Variants in PITPNC1 observed in about 807,000 individuals in gnomAD.
The protein encoded by PITPNC1 is cytoplasmic phosphatidylinositol transfer protein 1.
PITPNC1 carries 18 observed loss-of-function variants against 44.7 expected under a neutral mutation model. The ratio of observed to expected loss-of-function variants is 0.40; its 90% CI spans 0.28 to 0.60. The LOEUF is 0.60. Among genes scored for constraint, PITPNC1 ranks in the 20% least tolerant of loss-of-function variants. The pLI is 0.39. For synonymous variants in PITPNC1, 141 were observed against 149.6 expected (o/e 0.94, Z 0.42); for missense variants, 290 against 418.4 (o/e 0.69, Z 2.68).
At chr17:67,654,087 T>C (rs2042237661) in intron 6 of PITPNC1, among the ~76,000 whole-genome samples, 1 of 152,198 alleles carries the variant, frequency 6.6e-6, no homozygotes, top group Non-Finnish European at 1.5e-5. Context: ...CTCTGCTCTC[T>C]GCTTTCGTCC....
intron 1 of PITPNC1, among the ~76,000 whole-genome samples, chr17:67,442,204 CATATATATATATATATATATATAT>C (rs10526037): frequency 0.025 from 1,371 of 54,262 alleles, 64 homozygotes; most frequent in African/African-American, 0.046. Flanking sequence ...GGAAAATAAG[CATATATATATATATATATATATAT>C]ATATATATAT....
chr17:67,653,064 T>C (rs1173833060), intron 6 of PITPNC1, among the ~76,000 whole-genome samples: 9 of 152,112 alleles, frequency 5.9e-5, no homozygotes, highest in Admixed American at 5.2e-4. Context: ...GGCGGATCTC[T>C]TGAGGTCAGG....
intron 5 of PITPNC1, among the ~76,000 whole-genome samples, chr17:67,594,193 T>A (rs941990492): frequency 1.3e-4 from 20 of 152,232 alleles, no homozygotes; most frequent in African/African-American, 4.8e-4. Flanking sequence ...TTCGCTGTTC[T>A]GAACTTCCCC....
intron 1 of PITPNC1, among the ~76,000 whole-genome samples, chr17:67,495,248 T>C (rs34589360): frequency 0.18 from 27,096 of 151,020 alleles, 2,693 homozygotes; most frequent in Middle Eastern, 0.33. Context: ...TTAGTAGAGA[T>C]GGGGTTTCAT....
At chr17:67,511,609 A>C (rs2040185555) in intron 1 of PITPNC1, among the ~76,000 whole-genome samples, 1 of 152,146 alleles carries the variant, frequency 6.6e-6, no homozygotes, top group East Asian at 1.9e-4. Context: ...CCTGAGTTCA[A>C]GTGATTCTCC....
chr17:67,561,329 G>A (rs2040903887), intron 4 of PITPNC1, among the ~76,000 whole-genome samples: 1 of 152,010 alleles, frequency 6.6e-6, no homozygotes, highest in Admixed American at 6.6e-5. Flanking sequence ...GGTGGTGTGT[G>A]CCTGTAATCC....
At chr17:67,582,164 C>G (rs185201239) in intron 5 of PITPNC1, among the ~76,000 whole-genome samples, 75 of 152,306 alleles carry the variant, frequency 4.9e-4, no homozygotes, top group African/African-American at 1.8e-3. Context: ...CTAGCTTTAT[C>G]TAGCCAGGGA....
At position 67,563,502 on chromosome 17, in the gene PITPNC1, G is replaced by A. The variant is rs186941619; in HGVS notation, c.294+9885G>A. Among the ~76,000 whole-genome samples, 122 of 152,244 alleles carry A rather than the reference G, an allele frequency of 8.0e-4. 1 individual carries two copies. Among genetic ancestry groups the A allele is most frequent in the African/African-American group, 2.8e-3 (118 of 41,538 alleles). On this transcript the variant is annotated intron_variant, in intron 4 of 8. Coordinates refer to ENST00000581322, the MANE Select transcript of PITPNC1 (RefSeq NM_012417.4). ...CTGCTCTCAGACATGGAAGAATTTG[G>A]GCTGGTAAACAAGAATAAAGCGTTG... is the stretch of plus-strand genomic sequence containing the variant.
At chr17:67,465,115 AGGTGT>A (rs2039405364) in intron 1 of PITPNC1, among the ~76,000 whole-genome samples, 1 of 152,230 alleles carries the variant, frequency 6.6e-6, no homozygotes, top group Non-Finnish European at 1.5e-5. Flanking sequence ...TAGATCACAG[AGGTGT>A]GTGTTGCATT....
At chr17:67,482,129 T>G (rs2039712722) in intron 1 of PITPNC1, among the ~76,000 whole-genome samples, 2 of 152,252 alleles carry the variant, frequency 1.3e-5, no homozygotes, top group South Asian at 4.1e-4. Context: ...CTCTAATTGG[T>G]CTTCCGTTAG....
At chr17:67,679,195 T>C (rs1011802730) in intron 8 of PITPNC1, among the ~76,000 whole-genome samples, 7 of 152,256 alleles carry the variant, frequency 4.6e-5, no homozygotes, top group Admixed American at 3.3e-4. Flanking sequence ...TAGAGAATCA[T>C]AGCTGTCTGC....
At chr17:67,495,210 C>T (rs1471678705) in intron 1 of PITPNC1, among the ~76,000 whole-genome samples, 2 of 151,466 alleles carry the variant, frequency 1.3e-5, no homozygotes, top group Non-Finnish European at 2.9e-5. Flanking sequence ...GCGCTCGCCA[C>T]CAGGCCCGGC....
chr17:67,478,477 T>C (rs900262551), intron 1 of PITPNC1, among the ~76,000 whole-genome samples: 2 of 152,176 alleles, frequency 1.3e-5, no homozygotes, highest in Non-Finnish European at 2.9e-5. Flanking sequence ...TCTGCCGTTT[T>C]CAACAACAAA....
At chr17:67,690,277 A>G (rs1181405316) in intron 8 of PITPNC1, among the ~76,000 whole-genome samples, 1 of 151,814 alleles carries the variant, frequency 6.6e-6, no homozygotes, top group African/African-American at 2.4e-5. Flanking sequence ...GTGAAACCCC[A>G]TCTCTACTAA....
Position 67,475,436 on chromosome 17 carries a change from T to C in PITPNC1, c.49-57366T>C, listed in dbSNP as rs115324626. 2.0e-3 allele frequency among the ~76,000 whole-genome samples: 298 copies of C among 152,294 alleles called. 2 individuals are homozygous for C. The highest frequency in any genetic ancestry group is 7.0e-3 in the African/African-American group (289 of 41,558). ...CTCCTTTACAACTCTCATTTGACTG[T>C]CCAAAGATGCTTGCACTGGGGCCTA... On this transcript the variant is annotated intron_variant, in intron 1 of 8. Coordinates refer to ENST00000581322, the MANE Select transcript of PITPNC1 (RefSeq NM_012417.4).
At chr17:67,591,321 G>T (rs1397225708) in intron 5 of PITPNC1, among the ~76,000 whole-genome samples, 1 of 152,214 alleles carries the variant, frequency 6.6e-6, no homozygotes, top group Non-Finnish European at 1.5e-5. Context: ...ACTAAATGCA[G>T]TATGATCCTG....
At chr17:67,533,361 A>G (rs2040488777) in intron 2 of PITPNC1, among the ~76,000 whole-genome samples, 1 of 152,160 alleles carries the variant, frequency 6.6e-6, no homozygotes, top group Non-Finnish European at 1.5e-5. Flanking sequence ...CATTAAGAGG[A>G]GCTTTCGGCT....
At chr17:67,605,078 C>CAAAAT (rs919293054) in intron 5 of PITPNC1, among the ~76,000 whole-genome samples, 4 of 152,002 alleles carry the variant, frequency 2.6e-5, no homozygotes, top group Admixed American at 2.0e-4. Context: ...GATTCTGTCT[C>CAAAAT]AAAATAAAAT....
At chr17:67,404,829 A>T (rs967364827) in intron 1 of PITPNC1, among the ~76,000 whole-genome samples, 2 of 149,972 alleles carry the variant, frequency 1.3e-5, no homozygotes, top group African/African-American at 4.9e-5. Context: ...GGTGTAGATT[A>T]TGGGTTGCTT....
Sources: gnomAD v4.1 joint callset for allele counts (sites outside exome capture counted in the v4.1 genomes callset) on GRCh38, gnomAD v4.1.1 for gene constraint, MANE v1.5 for transcripts, NCBI Gene and HGNC (gene_info 2026-07-23, HGNC 2026-07-21) for gene names.